IL1RAPL2: variants seen among roughly 807,000 people sequenced by gnomAD.
IL1RAPL2 encodes the protein X-linked interleukin-1 receptor accessory protein-like 2.
Under a neutral mutation model 44.1 loss-of-function variants are expected in IL1RAPL2, and 3 were observed. That is an observed-to-expected ratio of 0.07 (90% confidence interval 0.03 to 0.18). The LOEUF (loss-of-function observed/expected upper bound fraction) is 0.18. Among genes scored for constraint, IL1RAPL2 ranks in the 10% least tolerant of loss-of-function variants. The probability of loss-of-function intolerance (pLI) is 1.00; values close to 1 mark genes in which losing one functional copy is unlikely to be tolerated. For missense variants in IL1RAPL2, 391 were observed against 496.4 expected (o/e 0.79, Z 2.02); for synonymous variants, 181 against 178.8 (o/e 1.01, Z -0.10).
At chrX:105,678,305 A>G (rs2037891111) in intron 6 of IL1RAPL2, among the ~76,000 whole-genome samples, 1 of 112,399 alleles carries the variant, frequency 8.9e-6, no homozygotes, top group Non-Finnish European at 1.9e-5. Context: ...ATCATCAAAA[A>G]TGGGGTATTC....
At chrX:105,482,574 A>G (rs745917398) in intron 5 of IL1RAPL2, among the ~76,000 whole-genome samples, 2 of 111,996 alleles carry the variant, frequency 1.8e-5, no homozygotes, top group East Asian at 5.6e-4. Context: ...AATGTGCCAT[A>G]AAGCTCTTTC....
At chrX:104,675,039 C>T (rs1360834915) in intron 2 of IL1RAPL2, among the ~76,000 whole-genome samples, 1 of 110,731 alleles carries the variant, frequency 9.0e-6, no homozygotes, top group Non-Finnish European at 1.9e-5. Context: ...TTGATCCTTT[C>T]AAAAAACCAG....
intron 6 of IL1RAPL2, among the ~76,000 whole-genome samples, chrX:105,712,637 G>A (rs1301238745): frequency 9.0e-6 from 1 of 110,966 alleles, no homozygotes; most frequent in Non-Finnish European, 1.9e-5. Context: ...ATTATCATGA[G>A]AATAGCATGG....
chrX:105,075,848 C>T (rs1266574345), intron 2 of IL1RAPL2, among the ~76,000 whole-genome samples: 3 of 111,709 alleles, frequency 2.7e-5, no homozygotes, highest in Non-Finnish European at 5.6e-5. Context: ...TTATGGTATT[C>T]TCTGATGGTA....
chrX:104,687,014 G>A (rs7890281), intron 2 of IL1RAPL2, among the ~76,000 whole-genome samples: 40,666 of 110,851 alleles, frequency 0.37, 5,859 homozygotes, highest in East Asian at 0.46. Context: ...GGTGCTACAC[G>A]AAACAGAAGA....
chrX:105,276,481 G>A (rs2034487195), intron 5 of IL1RAPL2, among the ~76,000 whole-genome samples: 1 of 112,401 alleles, frequency 8.9e-6, no homozygotes, highest in Non-Finnish European at 1.9e-5. Flanking sequence ...GTGTGAGGTG[G>A]ACCAGGTGTG....
At chrX:104,701,674 A>G (rs145717648) in intron 2 of IL1RAPL2, among the ~76,000 whole-genome samples, 90 of 111,893 alleles carry the variant, frequency 8.0e-4, no homozygotes, top group African/African-American at 2.8e-3. Context: ...CATTGGCTAA[A>G]TGAATGTGCT....
intron 6 of IL1RAPL2, among the ~76,000 whole-genome samples, chrX:105,600,153 A>G (rs973178994): frequency 3.9e-4 from 43 of 111,183 alleles, no homozygotes; most frequent in Middle Eastern, 4.7e-3. Flanking sequence ...ATCATTGTAA[A>G]TTATTGCATA....
chrX:104,949,182 C>G (rs1183083540), intron 2 of IL1RAPL2, among the ~76,000 whole-genome samples: 3 of 108,864 alleles, frequency 2.8e-5, no homozygotes, highest in Non-Finnish European at 5.8e-5. Flanking sequence ...TCCATTTCTT[C>G]TAGATTTTCT....
chrX:105,325,372 G>T (rs921815797), intron 5 of IL1RAPL2, among the ~76,000 whole-genome samples: 2 of 109,453 alleles, frequency 1.8e-5, no homozygotes, highest in African/African-American at 6.7e-5. Context: ...GCATGTATCG[G>T]TATTGCATTT....
chrX:104,703,009 A>C (rs918064441), intron 2 of IL1RAPL2, among the ~76,000 whole-genome samples: 1 of 111,328 alleles, frequency 9.0e-6, no homozygotes, highest in East Asian at 2.8e-4. Flanking sequence ...CATATGGACA[A>C]GCATGGCTCC....
intron 2 of IL1RAPL2, among the ~76,000 whole-genome samples, chrX:104,757,593 G>T (rs972458012): frequency 7.2e-5 from 8 of 111,503 alleles, no homozygotes; most frequent in Admixed American, 6.6e-4. Flanking sequence ...AGATTTTAAA[G>T]TAGTATGCAT....
intron 2 of IL1RAPL2, among the ~76,000 whole-genome samples, chrX:104,855,986 A>G (rs1003599485): frequency 2.7e-5 from 3 of 110,564 alleles, no homozygotes; most frequent in Admixed American, 9.7e-5. Flanking sequence ...CTAATTATTG[A>G]TAATGAGGAC....
rs751867612 is a variant in IL1RAPL2, at chrX:105,266,305, G to T, written c.544-1083G>T. On this transcript the variant is annotated intron_variant, in intron 4 of 10. Transcript: ENST00000372582. Reference sequence around the variant, plus strand: ...GATCCGCCTGCCTCAGCCTCCCAAAGTGCTGGGATTACAGGCGTGAGCCAC... The same window carrying T: ...GATCCGCCTGCCTCAGCCTCCCAAATTGCTGGGATTACAGGCGTGAGCCAC... Among the ~76,000 whole-genome samples the T allele has an allele frequency of 3.6e-5, 4 of 111,018 alleles. No homozygotes were observed. The South Asian group carries it at 1.5e-3, about 42-fold the overall frequency.
rs1256062504 is a variant in IL1RAPL2 at position 105,118,955 on chromosome X, T to A, written c.83-76520T>A. Among the ~76,000 whole-genome samples the A allele has an allele frequency of 1.8e-5, 2 of 111,963 alleles. 1 individual carries two copies. Among genetic ancestry groups the A allele is most frequent in the South Asian group, 7.5e-4 (2 of 2,653 alleles). On this transcript the variant is annotated intron_variant, in intron 2 of 10. Coordinates refer to ENST00000372582, the MANE Select transcript of IL1RAPL2 (RefSeq NM_017416.2). ...CATGGTTTTGTAGGTAAGTTACTGA[T>A]ACAGTGGTTAGCCGTGCCAGTGTCT...
chrX:105,528,297 C>A (rs2036607955), intron 6 of IL1RAPL2, among the ~76,000 whole-genome samples: 1 of 110,946 alleles, frequency 9.0e-6, no homozygotes, highest in Non-Finnish European at 1.9e-5. Context: ...TATTATCACC[C>A]CTTATTTGAC....
chrX:104,685,570 T>C (rs1480439830), intron 2 of IL1RAPL2, among the ~76,000 whole-genome samples: 5 of 111,037 alleles, frequency 4.5e-5, no homozygotes, highest in African/African-American at 1.6e-4. Flanking sequence ...AGTTATCTAC[T>C]GGGCAAGAGT....
chrX:105,387,973 A>C lies in IL1RAPL2; in HGVS notation c.698-96340A>C, dbSNP rs1194943810. ...AGACCAGCGTGACCAACATGGAGAA[A>C]CACCGTCTCTACTAAAAATACAAAA... On this transcript the variant is annotated intron_variant, in intron 5 of 10. Coordinates refer to ENST00000372582, the MANE Select transcript of IL1RAPL2 (RefSeq NM_017416.2). Among the ~76,000 whole-genome samples the C allele has an allele frequency of 2.8e-5, 3 of 105,776 alleles. No homozygotes were observed. The Admixed American group carries it at 3.1e-4, about 11-fold the overall frequency. The allele number at this position is 105,776 out of a possible 115,157, so 91.9% of individuals were successfully genotyped here.
intron 6 of IL1RAPL2, among the ~76,000 whole-genome samples, chrX:105,694,707 T>C (rs2038062826): frequency 9.0e-6 from 1 of 111,484 alleles, no homozygotes; most frequent in Non-Finnish European, 1.9e-5. Context: ...GGTACCCTTG[T>C]TCACTTCTAT....
Sources: allele counts gnomAD v4.1 joint callset (sites outside exome capture counted in the v4.1 genomes callset), GRCh38; gene constraint gnomAD v4.1.1; transcripts MANE v1.5; gene names NCBI Gene and HGNC (gene_info 2026-07-23, HGNC 2026-07-21).